The following SGCZ variants were observed in gnomAD, a reference collection of about 807,000 sequenced individuals.
SGCZ encodes the protein sarcoglycan zeta.
A neutral mutation model predicts 41.3 loss-of-function variants in SGCZ; 40 were observed. The ratio of observed to expected loss-of-function variants is 0.97; its 90% confidence interval spans 0.75 to 1.26. The LOEUF (loss-of-function observed/expected upper bound fraction) is 1.26, where lower values mean the gene tolerates loss of function less well. Among genes scored for constraint, SGCZ ranks in the 50% most tolerant of loss-of-function variants. The probability of loss-of-function intolerance (pLI) is 0.00; values close to 1 mark genes in which losing one functional copy is unlikely to be tolerated. For missense variants in SGCZ, 552 were observed against 369.8 expected, an observed-to-expected ratio of 1.49 and a Z score of -4.04; for synonymous variants, 206 against 137.5, an observed-to-expected ratio of 1.50 and a Z score of -3.49.
At chr8:15,204,026 A>G (rs965223116) in intron 1 of SGCZ, among the ~76,000 whole-genome samples, 2 of 152,216 alleles carry the variant, frequency 1.3e-5, no homozygotes, top group African/African-American at 4.8e-5. Flanking sequence ...CTTATCACAT[A>G]TGAAATAAGA....
chr8:15,028,371 G>C (rs980440913), intron 1 of SGCZ, among the ~76,000 whole-genome samples: 8 of 151,860 alleles, frequency 5.3e-5, no homozygotes, highest in Non-Finnish European at 1.0e-4. Flanking sequence ...GTTGAAGTCA[G>C]TTTCATAAGG....
At chr8:14,711,818 T>C (rs1044354473) in intron 1 of SGCZ, among the ~76,000 whole-genome samples, 11 of 152,150 alleles carry the variant, frequency 7.2e-5, no homozygotes, top group African/African-American at 2.7e-4. Flanking sequence ...ACAAAGAAAC[T>C]AGACATTCAT....
chr8:14,147,249 T>A (rs1008217355), intron 5 of SGCZ, among the ~76,000 whole-genome samples: 2 of 151,872 alleles, frequency 1.3e-5, no homozygotes, highest in Admixed American at 1.3e-4. Context: ...GACTAAATTA[T>A]CCAATCAAAA....
At chr8:14,250,100 T>A (rs1799234745) in intron 3 of SGCZ, among the ~76,000 whole-genome samples, 1 of 152,190 alleles carries the variant, frequency 6.6e-6, no homozygotes, top group African/African-American at 2.4e-5. Context: ...TTCCAGGTCA[T>A]GCCAACAAAG....
At chr8:14,742,010 G>T (rs1160339650) in intron 1 of SGCZ, among the ~76,000 whole-genome samples, 4 of 151,742 alleles carry the variant, frequency 2.6e-5, no homozygotes, top group African/African-American at 9.7e-5. Context: ...ATTATTTAAG[G>T]CATAATTATT....
intron 1 of SGCZ, among the ~76,000 whole-genome samples, chr8:14,940,071 G>A (rs548925110): frequency 6.6e-6 from 1 of 152,090 alleles, no homozygotes; most frequent in South Asian, 2.1e-4. Context: ...TGTTCTTAAG[G>A]GCCACTCTTA....
At chr8:15,130,660 G>A (rs1009253237) in intron 1 of SGCZ, among the ~76,000 whole-genome samples, 1 of 152,106 alleles carries the variant, frequency 6.6e-6, no homozygotes, top group South Asian at 2.1e-4. Context: ...AAGAATAAAT[G>A]ATATAATGAG....
intron 1 of SGCZ, among the ~76,000 whole-genome samples, chr8:14,944,875 T>G (rs1200887052): frequency 6.6e-6 from 1 of 152,152 alleles, no homozygotes; most frequent in Non-Finnish European, 1.5e-5. Context: ...CCATTGTAAG[T>G]TGACAATTAT....
chr8:14,097,144 ATTTG>A (rs925378329), intron 7 of SGCZ, among the ~76,000 whole-genome samples: 7 of 151,760 alleles, frequency 4.6e-5, no homozygotes, highest in Admixed American at 1.3e-4. Flanking sequence ...TAGCTTTTGA[ATTTG>A]TTTGTTCTTG....
chr8:14,961,006 A>G (rs999362027), intron 1 of SGCZ, among the ~76,000 whole-genome samples: 4 of 152,014 alleles, frequency 2.6e-5, no homozygotes, highest in African/African-American at 4.8e-5. Context: ...ACATTTTACA[A>G]AAGAAGAGAG....
intron 4 of SGCZ, among the ~76,000 whole-genome samples, chr8:14,195,053 A>C (rs1805221488): frequency 1.3e-5 from 2 of 152,164 alleles, no homozygotes; most frequent in Admixed American, 6.5e-5. Flanking sequence ...TAAAATGTAC[A>C]TCAAATATTG....
At chr8:14,641,576 C>A (rs78270584) in intron 1 of SGCZ, among the ~76,000 whole-genome samples, 16,271 of 151,544 alleles carry the variant, frequency 0.11, 1,054 homozygotes, top group African/African-American at 0.19. Context: ...CAGAGAAAAA[C>A]AACATATTAT....
chr8:14,814,600 T>C (rs187247484), intron 1 of SGCZ, among the ~76,000 whole-genome samples: 60 of 152,224 alleles, frequency 3.9e-4, no homozygotes, highest in Non-Finnish European at 6.8e-4. Flanking sequence ...TGGCCCTACT[T>C]AAGTATAGGA....
At chr8:14,266,284 A>T (rs190348064) in intron 3 of SGCZ, among the ~76,000 whole-genome samples, 15 of 152,182 alleles carry the variant, frequency 9.9e-5, no homozygotes, top group Non-Finnish European at 2.1e-4. Flanking sequence ...TATAACAGGC[A>T]TGTTCCTTTT....
chr8:15,019,325 G>T (rs979097126), intron 1 of SGCZ, among the ~76,000 whole-genome samples: 1 of 152,124 alleles, frequency 6.6e-6, no homozygotes, highest in African/African-American at 2.4e-5. Flanking sequence ...TTGAACAGAT[G>T]GGCAACAAAG....
At chr8:15,100,872 C>G (rs2131081184) in intron 1 of SGCZ, among the ~76,000 whole-genome samples, 1 of 151,948 alleles carries the variant, frequency 6.6e-6, no homozygotes, top group Non-Finnish European at 1.5e-5. Context: ...ACCTATGGTC[C>G]CAACTACACA....
At chr8:14,995,085 C>A (rs540708393) in intron 1 of SGCZ, among the ~76,000 whole-genome samples, 13 of 152,246 alleles carry the variant, frequency 8.5e-5, no homozygotes, top group Non-Finnish European at 1.2e-4. Context: ...CCAGGGAGGT[C>A]TCTAGGAGAA....
rs149791229 is a variant in SGCZ at position 15,172,372 on chromosome 8, G to T, written c.39+65213C>A. ...AGACGGGGTTTCACCGTGTCAGCCAGGATGGTCTCGATCTCCTGACCTCGT... is the reference window on the plus strand; with the variant it reads ...AGACGGGGTTTCACCGTGTCAGCCATGATGGTCTCGATCTCCTGACCTCGT... On this transcript the variant is annotated intron_variant, in intron 1 of 7. Coordinates refer to ENST00000382080, the MANE Select transcript of SGCZ (RefSeq NM_139167.4). 6.1e-3 allele frequency among the ~76,000 whole-genome samples: 928 copies of T among 151,162 alleles called. 25 individuals carry two copies. The East Asian group carries it at 0.083, about 14-fold the overall frequency.
intron 5 of SGCZ, among the ~76,000 whole-genome samples, chr8:14,163,944 T>C (rs1278193139): frequency 1.3e-5 from 2 of 152,166 alleles, no homozygotes; most frequent in African/African-American, 2.4e-5. Context: ...TTTGTCATGG[T>C]TGTGAATCAA....
Sources: allele counts gnomAD v4.1 joint callset (sites outside exome capture counted in the v4.1 genomes callset), GRCh38; gene constraint gnomAD v4.1.1; transcripts MANE v1.5; gene names NCBI Gene and HGNC (gene_info 2026-07-23, HGNC 2026-07-21).